AUTS2: variants seen among roughly 807,000 people sequenced by gnomAD.
AUTS2 encodes activator of transcription and developmental regulator AUTS2, also known as autism susceptibility gene 2 protein.
In AUTS2, 17 loss-of-function variants were observed where a neutral mutation model predicts 112.4. The observed-to-expected ratio is 0.15, with a 90% CI of 0.10 to 0.23. The LOEUF (loss-of-function observed/expected upper bound fraction) is 0.23, where lower values mean the gene tolerates loss of function less well. AUTS2 is among the 10% of genes least tolerant of loss of function. AUTS2 has a pLI of 1.00. For missense variants in AUTS2, 1,510 were observed against 1,701.6 expected (o/e 0.89, Z 1.98); for synonymous variants, 751 against 702.7 (o/e 1.07, Z -1.09).
chr7:70,315,063 G>C (rs1789931936), intron 4 of AUTS2, among the ~76,000 whole-genome samples: 1 of 152,134 alleles, frequency 6.6e-6, no homozygotes, highest in African/African-American at 2.4e-5. Context: ...GTATCCTATT[G>C]TGCTAATAAA....
intron 6 of AUTS2, among the ~76,000 whole-genome samples, chr7:70,704,749 C>T (rs1206492826): frequency 1.3e-5 from 2 of 152,182 alleles, no homozygotes; most frequent in African/African-American, 2.4e-5. Context: ...GGAGGAAGCC[C>T]GTGGCTAGCC....
intron 2 of AUTS2, among the ~76,000 whole-genome samples, chr7:69,934,919 A>G (rs1037819647): frequency 2.6e-5 from 4 of 152,182 alleles, no homozygotes; most frequent in Non-Finnish European, 1.5e-5. Flanking sequence ...TGGGTGTGTT[A>G]TCCTCTGCCA....
chr7:70,081,107 G>A (rs1042191596), intron 2 of AUTS2, among the ~76,000 whole-genome samples: 1 of 152,166 alleles, frequency 6.6e-6, no homozygotes, highest in East Asian at 1.9e-4. Flanking sequence ...GTACAGAGTG[G>A]TGGTAGGGTG....
At chr7:70,027,164 A>G (rs530818259) in intron 2 of AUTS2, among the ~76,000 whole-genome samples, 17 of 152,242 alleles carry the variant, frequency 1.1e-4, no homozygotes, top group African/African-American at 3.4e-4. Flanking sequence ...GATATTTTCA[A>G]CTAACAATGG....
Position 70,627,177 on chromosome 7 carries a change from G to C in AUTS2, c.691-71392G>C, listed in dbSNP as rs771127792. 1.8e-4 allele frequency among the ~76,000 whole-genome samples: 28 copies of C among 152,216 alleles called. 1 individual carries two copies. Among genetic ancestry groups the C allele is most frequent in the Non-Finnish European group, 2.9e-4 (20 of 68,038 alleles). ...TTTCTCTACAGCCTTGCCAGCATCT[G>C]TTGTTTTTACTTTTAATAATAGCCA... On this transcript the variant is annotated intron_variant, in intron 5 of 18. Transcript: ENST00000342771.
At chr7:70,530,437 CTGG>C (rs1268995448) in intron 5 of AUTS2, among the ~76,000 whole-genome samples, 4 of 152,132 alleles carry the variant, frequency 2.6e-5, no homozygotes, top group African/African-American at 4.8e-5. Context: ...TGGGGAGCGT[CTGG>C]TGGTTGGACA....
chr7:69,640,258 TAAAAGA>T (rs1169846666), intron 1 of AUTS2, among the ~76,000 whole-genome samples: 3 of 152,176 alleles, frequency 2.0e-5, no homozygotes, highest in African/African-American at 7.2e-5. Context: ...TTCAGGGCTA[TAAAAGA>T]AATAGTGTCT....
At chr7:70,081,326 G>A (rs865940711) in intron 2 of AUTS2, among the ~76,000 whole-genome samples, 5 of 151,190 alleles carry the variant, frequency 3.3e-5, no homozygotes, top group East Asian at 3.9e-4. Context: ...CAGGAAGGGC[G>A]GATTACTTGA....
chr7:70,562,708 G>T (rs2189964), intron 5 of AUTS2, among the ~76,000 whole-genome samples: 45,165 of 151,986 alleles, frequency 0.3, 7,164 homozygotes, highest in Admixed American at 0.42. Flanking sequence ...AGGCTCAGTC[G>T]GTGTTTGCTG....
intron 4 of AUTS2, among the ~76,000 whole-genome samples, chr7:70,409,807 CTG>C (rs1212027050): frequency 6.6e-6 from 1 of 152,164 alleles, no homozygotes; most frequent in Non-Finnish European, 1.5e-5. Flanking sequence ...GGGCTTAGGA[CTG>C]TAAATATTGG....
intron 4 of AUTS2, among the ~76,000 whole-genome samples, chr7:70,322,447 A>G (rs936377749): frequency 6.6e-6 from 1 of 152,176 alleles, no homozygotes; most frequent in Non-Finnish European, 1.5e-5. Flanking sequence ...TAGCTCCTAC[A>G]TGCCAAACTC....
chr7:70,231,918 C>T (rs769762838), intron 4 of AUTS2, among the ~76,000 whole-genome samples: 4 of 152,010 alleles, frequency 2.6e-5, no homozygotes, highest in South Asian at 2.1e-4. Context: ...GGAGTACAAG[C>T]ATGTGCCACC....
chr7:70,514,661 A>G (rs1187219438), intron 5 of AUTS2, among the ~76,000 whole-genome samples: 3 of 152,240 alleles, frequency 2.0e-5, no homozygotes, highest in African/African-American at 7.2e-5. Flanking sequence ...TGGAGGGGAC[A>G]GAACATCCAA....
chr7:69,606,712 A>C (rs542658256), intron 1 of AUTS2, among the ~76,000 whole-genome samples: 6 of 152,354 alleles, frequency 3.9e-5, no homozygotes, highest in Non-Finnish European at 7.3e-5. Flanking sequence ...TAGATTTGAA[A>C]ACTTAGATCA....
At chr7:70,288,436 C>T (rs1307050209) in intron 4 of AUTS2, among the ~76,000 whole-genome samples, 3 of 152,094 alleles carry the variant, frequency 2.0e-5, no homozygotes, top group African/African-American at 7.2e-5. Context: ...AAAGGTTTCC[C>T]CTTAGTAAAG....
At chr7:69,620,777 G>T (rs1262664428) in intron 1 of AUTS2, among the ~76,000 whole-genome samples, 1 of 152,134 alleles carries the variant, frequency 6.6e-6, no homozygotes, top group Admixed American at 6.6e-5. Flanking sequence ...ATATTCAAAG[G>T]CATGAAAACA....
chr7:69,611,192 C>T (rs1457409483), intron 1 of AUTS2, among the ~76,000 whole-genome samples: 1 of 152,084 alleles, frequency 6.6e-6, no homozygotes, highest in African/African-American at 2.4e-5. Context: ...TTGTTCAAGC[C>T]AGCATCACGT....
chr7:69,792,460 C>T (rs1020357003), intron 1 of AUTS2, among the ~76,000 whole-genome samples: 4 of 151,950 alleles, frequency 2.6e-5, no homozygotes, highest in African/African-American at 7.2e-5. Flanking sequence ...AGGATGGTCT[C>T]GATCTCCTGA....
intron 5 of AUTS2, among the ~76,000 whole-genome samples, chr7:70,682,316 A>C (rs1429347898): frequency 6.6e-6 from 1 of 152,254 alleles, no homozygotes; most frequent in African/African-American, 2.4e-5. Flanking sequence ...AGAAGGGATT[A>C]CTAAAGACTT....
Sources: allele counts gnomAD v4.1 joint callset (sites outside exome capture counted in the v4.1 genomes callset), GRCh38; gene constraint gnomAD v4.1.1; transcripts MANE v1.5; gene names NCBI Gene and HGNC (gene_info 2026-07-23, HGNC 2026-07-21).